Variants in AKAP7 observed in about 807,000 individuals in gnomAD.
AKAP7 encodes the protein A kinase (PRKA) anchor protein 7.
Under a neutral mutation model 39.5 loss-of-function variants are expected in AKAP7, and 39 were observed. The observed-to-expected ratio is 0.99, with a 90% CI of 0.76 to 1.29. The LOEUF (loss-of-function observed/expected upper bound fraction) is 1.29. Ranked by LOEUF, AKAP7 falls within the 50% of genes most tolerant of loss-of-function variation. The pLI is 0.00. For missense variants in AKAP7, 414 were observed against 407.7 expected, an observed-to-expected ratio of 1.02 and a Z score of -0.13; for synonymous variants, 140 against 139.1, an observed-to-expected ratio of 1.01 and a Z score of -0.05.
At chr6:131,199,432 A>G (rs753614885) in intron 5 of AKAP7, 29 bp from the exon 6 acceptor site, 19 of 1,441,552 alleles carry the variant, frequency 1.3e-5, no homozygotes, top group South Asian at 7.2e-5. Flanking sequence ...CTGTAGTAGC[A>G]TTTCTTTGTT....
intron 7 of AKAP7, among the ~76,000 whole-genome samples, chr6:131,247,426 A>G (rs1312317515): frequency 1.4e-4 from 21 of 149,258 alleles, no homozygotes; most frequent in Admixed American, 1.3e-3. Flanking sequence ...CCCAGGCTCA[A>G]GTGATTCTTC....
intron 5 of AKAP7, among the ~76,000 whole-genome samples, chr6:131,180,423 T>TA (rs1232422701): frequency 6.6e-6 from 1 of 152,178 alleles, no homozygotes; most frequent in Non-Finnish European, 1.5e-5. Context: ...AAAACAAAGT[T>TA]AAAAAATCCT....
At chr6:131,167,244 C>T (rs1803594661) in intron 4 of AKAP7, among the ~76,000 whole-genome samples, 1 of 152,142 alleles carries the variant, frequency 6.6e-6, no homozygotes, top group East Asian at 1.9e-4. Flanking sequence ...GTGATACTCC[C>T]AGTAGACACT....
intron 7 of AKAP7, among the ~76,000 whole-genome samples, chr6:131,245,310 A>G (rs1169033523): frequency 3.3e-5 from 5 of 149,638 alleles, no homozygotes; most frequent in African/African-American, 4.9e-5. Context: ...CAGTAGTGCA[A>G]CTCGACTCAC....
chr6:131,156,979 G>A (rs769451286), intron 2 of AKAP7, among the ~76,000 whole-genome samples: 1 of 152,020 alleles, frequency 6.6e-6, no homozygotes, highest in Admixed American at 6.6e-5. Flanking sequence ...GTTTCACCGT[G>A]TTAGCCAGGG....
intron 5 of AKAP7, among the ~76,000 whole-genome samples, chr6:131,170,268 G>A (rs1034159356): frequency 1.4e-5 from 2 of 147,766 alleles, no homozygotes; most frequent in South Asian, 2.2e-4. Context: ...TGCACATTGT[G>A]CACATGTACC....
chr6:131,212,244 G>A (rs979505687), intron 6 of AKAP7, among the ~76,000 whole-genome samples: 2 of 152,194 alleles, frequency 1.3e-5, no homozygotes, highest in African/African-American at 2.4e-5. Flanking sequence ...AGTTTGAAAT[G>A]TGGGCAAGGT....
intron 7 of AKAP7, among the ~76,000 whole-genome samples, chr6:131,229,098 C>G (rs1810429648): frequency 6.6e-6 from 1 of 152,152 alleles, no homozygotes; most frequent in Admixed American, 6.6e-5. Context: ...CCCTTTCTTC[C>G]ATGGAACACC....
chr6:131,275,573 C>CT (rs1814678738), intron 7 of AKAP7, among the ~76,000 whole-genome samples: 1 of 152,172 alleles, frequency 6.6e-6, no homozygotes, highest in Non-Finnish European at 1.5e-5. Flanking sequence ...AGAAAAGTCT[C>CT]TAAGGGGCTG....
intron 7 of AKAP7, among the ~76,000 whole-genome samples, chr6:131,224,648 T>A (rs2128301276): frequency 6.6e-6 from 1 of 150,968 alleles, no homozygotes; most frequent in Admixed American, 6.6e-5. Context: ...TCTTCAGCCA[T>A]CTCTGTTATA....
intron 4 of AKAP7, among the ~76,000 whole-genome samples, chr6:131,168,304 C>T (rs1803698344): frequency 6.6e-6 from 1 of 151,868 alleles, no homozygotes; most frequent in African/African-American, 2.4e-5. Flanking sequence ...TCCAGCTACT[C>T]AGGAGGCTGA....
Position 131,135,714 on chromosome 6 carries a change from C to A in AKAP7, c.-50C>A. On this transcript the variant is annotated 5_prime_UTR_variant, in exon 1 of 8. Coordinates refer to ENST00000431975, the MANE Select transcript of AKAP7 (RefSeq NM_016377.4). ...GCCTCCAGCCCCGGGACGCGGCCCG[C>A]CACCGCCGCTGCCGCCAGCCCAGAC... 8.4e-7 allele frequency: 1 copy of A among 1,193,228 alleles called. No individual in the cohort carries two copies. The highest frequency in any genetic ancestry group is 1.0e-6 in the Non-Finnish European group (1 of 965,220). 73.9% of individuals were successfully genotyped at this position (1,193,228 alleles called of 1,614,324 possible).
At chr6:131,239,972 G>A (rs1646427760) in intron 7 of AKAP7, among the ~76,000 whole-genome samples, 1 of 152,180 alleles carries the variant, frequency 6.6e-6, no homozygotes, top group Non-Finnish European at 1.5e-5. Context: ...CTTTGGAGGA[G>A]GAGAGGCGCT....
chr6:131,199,411 A>T (rs187391850), intron 5 of AKAP7, 50 bp from the exon 6 acceptor site: 1 of 1,265,652 alleles, frequency 7.9e-7, no homozygotes, highest in African/African-American at 1.5e-5. Flanking sequence ...AGTTAAAAAG[A>T]ACTGAAAATA....
intron 7 of AKAP7, among the ~76,000 whole-genome samples, chr6:131,236,711 G>T (rs1419478675): frequency 5.3e-5 from 8 of 152,140 alleles, no homozygotes; most frequent in Non-Finnish European, 1.2e-4. Context: ...CTGTTTGTCT[G>T]TTATTGGTGT....
intron 7 of AKAP7, among the ~76,000 whole-genome samples, chr6:131,274,831 G>A (rs1814604017): frequency 6.6e-6 from 1 of 152,026 alleles, no homozygotes; most frequent in African/African-American, 2.4e-5. Context: ...CTGTGCACAT[G>A]CATATGCCTT....
chr6:131,210,355 A>G (rs1808533906), intron 6 of AKAP7, among the ~76,000 whole-genome samples: 2 of 152,354 alleles, frequency 1.3e-5, no homozygotes, highest in South Asian at 2.1e-4. Flanking sequence ...GCCAGGGCCA[A>G]TCCTCACTTT....
At chr6:131,245,816 G>A (rs1240169537) in intron 7 of AKAP7, among the ~76,000 whole-genome samples, 2 of 151,976 alleles carry the variant, frequency 1.3e-5, no homozygotes, top group African/African-American at 4.8e-5. Flanking sequence ...GGATAAAGTG[G>A]TTTTTCTCTT....
chr6:131,231,674 G>A (rs1340772976), intron 7 of AKAP7, among the ~76,000 whole-genome samples: 1 of 152,016 alleles, frequency 6.6e-6, no homozygotes. Context: ...GTGTAAAAGG[G>A]GATCTATTAC....
Sources: gnomAD v4.1 joint callset for allele counts (sites outside exome capture counted in the v4.1 genomes callset) on GRCh38, gnomAD v4.1.1 for gene constraint, MANE v1.5 for transcripts, NCBI Gene and HGNC (gene_info 2026-07-23, HGNC 2026-07-21) for gene names.